Variants in LRRC7 observed in about 807,000 individuals in gnomAD.
The protein encoded by LRRC7 is leucine-rich repeat-containing protein 7.
A neutral mutation model predicts 175.7 loss-of-function variants in LRRC7; 23 were observed. The ratio of observed to expected loss-of-function variants is 0.13; its 90% CI spans 0.09 to 0.19. LRRC7 has a LOEUF of 0.19. Ranked by LOEUF, LRRC7 falls within the 10% of genes least tolerant of loss-of-function variation. The pLI is 1.00. For missense variants in LRRC7, 1,354 were observed against 1,904.7 expected, an observed-to-expected ratio of 0.71 and a Z score of 5.38; for synonymous variants, 685 against 680.9, an observed-to-expected ratio of 1.01 and a Z score of -0.09.
chr1:69,946,108 G>T (rs963415581), intron 8 of LRRC7, among the ~76,000 whole-genome samples: 6 of 152,134 alleles, frequency 3.9e-5, no homozygotes, highest in African/African-American at 1.4e-4. Context: ...TTAGCTGTGG[G>T]CTTGTCGTGC....
intron 23 of LRRC7, among the ~76,000 whole-genome samples, chr1:70,066,883 C>T (rs1662019840): frequency 6.6e-6 from 1 of 152,002 alleles, no homozygotes; most frequent in Admixed American, 6.6e-5. Context: ...TCTTCATCAT[C>T]TCCTGCATTT....
At chr1:69,717,928 A>AAAGAAAGAAGAAAAAG (rs1557641941) in intron 2 of LRRC7, among the ~76,000 whole-genome samples, 84 of 55,994 alleles carry the variant, frequency 1.5e-3, no homozygotes, top group African/African-American at 2.3e-3. Flanking sequence ...AGAAAAAAAG[A>AAAGAAAGAAGAAAAAG]AAAGAAAGAA....
chr1:70,095,616 G>A (rs1051049001), intron 25 of LRRC7, among the ~76,000 whole-genome samples: 1 of 152,158 alleles, frequency 6.6e-6, no homozygotes, highest in African/African-American at 2.4e-5. Flanking sequence ...ATTGAAAAAT[G>A]TCGGTATCTA....
chr1:69,683,035 G>A (rs985087044), intron 2 of LRRC7, among the ~76,000 whole-genome samples: 1 of 152,048 alleles, frequency 6.6e-6, no homozygotes, highest in Non-Finnish European at 1.5e-5. Context: ...ATCCCAATGT[G>A]CACTTGACAC....
chr1:69,834,668 G>T (rs1680909051), intron 5 of LRRC7, 112 bp from the exon 6 acceptor site: 1 of 850,828 alleles, frequency 1.2e-6, no homozygotes, highest in Non-Finnish European at 1.9e-6. Flanking sequence ...TACCAAAGGA[G>T]AGTTGAAAAA....
intron 2 of LRRC7, among the ~76,000 whole-genome samples, chr1:69,736,061 G>A (rs973901358): frequency 4.7e-4 from 72 of 152,198 alleles, no homozygotes; most frequent in African/African-American, 1.6e-3. Flanking sequence ...AGTAACATTA[G>A]CATTGTTCCA....
At chr1:69,644,624 A>G (rs1442868289) in intron 1 of LRRC7, among the ~76,000 whole-genome samples, 1 of 152,030 alleles carries the variant, frequency 6.6e-6, no homozygotes, top group Non-Finnish European at 1.5e-5. Context: ...AAGAAATATT[A>G]CCAATATTAA....
chr1:69,620,855 T>G (rs1022403934), intron 1 of LRRC7, among the ~76,000 whole-genome samples: 4 of 152,184 alleles, frequency 2.6e-5, no homozygotes, highest in African/African-American at 9.6e-5. Context: ...GATGCTTTAC[T>G]TGTATTACTT....
At chr1:70,025,027 C>T (rs762342690) in intron 17 of LRRC7, among the ~76,000 whole-genome samples, 113 of 151,948 alleles carry the variant, frequency 7.4e-4, no homozygotes, top group Non-Finnish European at 1.2e-3. Context: ...ATGTGCTGCA[C>T]CCACACTCTG....
intron 2 of LRRC7, among the ~76,000 whole-genome samples, chr1:69,680,529 C>T (rs1158053596): frequency 6.6e-6 from 1 of 151,962 alleles, no homozygotes; most frequent in Non-Finnish European, 1.5e-5. Context: ...GTTATGTTAT[C>T]GAACATGGAA....
chr1:69,676,899 C>G (rs979468709), intron 1 of LRRC7, among the ~76,000 whole-genome samples: 2 of 151,918 alleles, frequency 1.3e-5, no homozygotes, highest in African/African-American at 2.4e-5. Flanking sequence ...GAACATTGTA[C>G]TCAATAGGTA....
chr1:69,716,357 C>CA (rs944969588), intron 2 of LRRC7: 12 of 398,910 alleles, frequency 3.0e-5, no homozygotes, highest in African/African-American at 1.7e-4. Flanking sequence ...TATCACATCA[C>CA]AAAAATAATT....
chr1:69,627,496 TG>T, intron 1 of LRRC7, among the ~76,000 whole-genome samples: 1 of 152,322 alleles, frequency 6.6e-6, no homozygotes, highest in South Asian at 2.1e-4. Flanking sequence ...ATGGGTAGAT[TG>T]CAAATATTTT....
intron 1 of LRRC7, among the ~76,000 whole-genome samples, chr1:69,599,376 A>G (rs1646965020): frequency 6.6e-6 from 1 of 152,140 alleles, no homozygotes; most frequent in South Asian, 2.1e-4. Context: ...TGCACTGTAA[A>G]CCTTCTATTC....
At chr1:70,116,416 A>G (rs1316952173) in intron 26 of LRRC7, among the ~76,000 whole-genome samples, 2 of 152,088 alleles carry the variant, frequency 1.3e-5, no homozygotes, top group Admixed American at 6.5e-5. Flanking sequence ...GCGTGGTGGC[A>G]GGCGCCTGTA....
chr1:69,919,944 A>G, intron 7 of LRRC7: 2 of 602,948 alleles, frequency 3.3e-6, no homozygotes, highest in Non-Finnish European at 3.0e-6. Flanking sequence ...ATTGTTACCA[A>G]AATGGCTGGG....
chr1:69,962,555 C>T (rs1308196075), intron 8 of LRRC7, among the ~76,000 whole-genome samples: 1 of 152,130 alleles, frequency 6.6e-6, no homozygotes, highest in Non-Finnish European at 1.5e-5. Context: ...GCACTGTTCA[C>T]AATATCAAAG....
chr1:70,017,018 C>T (rs1657020837), intron 14 of LRRC7, among the ~76,000 whole-genome samples: 1 of 152,076 alleles, frequency 6.6e-6, no homozygotes, highest in Non-Finnish European at 1.5e-5. Flanking sequence ...GTGGCTCATG[C>T]TGTAATCCCA....
chr1:70,056,194 A>G (rs1013879960), intron 23 of LRRC7, among the ~76,000 whole-genome samples: 2 of 152,172 alleles, frequency 1.3e-5, no homozygotes, highest in Non-Finnish European at 2.9e-5. Context: ...AATCATTAGA[A>G]CATGTATTAT....
Sources: gnomAD v4.1 joint callset for allele counts (sites outside exome capture counted in the v4.1 genomes callset) on GRCh38, gnomAD v4.1.1 for gene constraint, MANE v1.5 for transcripts, NCBI Gene and HGNC (gene_info 2026-07-23, HGNC 2026-07-21) for gene names.